Variants in ACTC1 observed in about 807,000 individuals in gnomAD.
ACTC1 encodes actin, alpha cardiac muscle 1.
Under a neutral mutation model 31.6 loss-of-function variants are expected in ACTC1, and 10 were observed. That is an observed-to-expected ratio of 0.32 (90% confidence interval 0.19 to 0.54). The LOEUF (loss-of-function observed/expected upper bound fraction) is 0.54, where lower values mean the gene tolerates loss of function less well. ACTC1 is among the 20% of genes least tolerant of loss of function. ACTC1 has a pLI of 0.95. For missense variants in ACTC1, 129 were observed against 506.4 expected (o/e 0.25, Z 7.15); for synonymous variants, 196 against 185.0 (o/e 1.06, Z -0.48).
At chr15:34,790,698 G>T in intron 6 of ACTC1, 143 bp from the exon 7 acceptor site, 1 of 855,910 alleles carries the variant, frequency 1.2e-6, no homozygotes, top group Non-Finnish European at 1.9e-6. Flanking sequence ...GAAATAATGT[G>T]GCCAATCAAG....
At chr15:34,791,083 C>A in intron 6 of ACTC1, 31 bp downstream of exon 6, 2 of 1,562,328 alleles carry the variant, frequency 1.3e-6, no homozygotes, top group South Asian at 1.2e-5. Context: ...CAAGACTTGC[C>A]TCGGATCTCC....
rs1231714280 is a variant in ACTC1 at position 34,792,724 on chromosome 15, T to A, written c.455-155A>T. ...ATTCCTTACACACAAAGAATAAAAATGCGCATCAGGAATACTAAATCTGAA... is the reference window on the plus strand; with the variant it reads ...ATTCCTTACACACAAAGAATAAAAAAGCGCATCAGGAATACTAAATCTGAA... On this transcript the variant is annotated intron_variant, in intron 3 of 6. Coordinates refer to ENST00000290378, the MANE Select transcript of ACTC1 (RefSeq NM_005159.5). The surrounding 1 kb of genome is among the most constrained non-coding windows in gnomAD (Gnocchi z 5.3). 1.3e-6 allele frequency: 1 copy of A among 790,550 alleles called. No homozygotes were observed. Among genetic ancestry groups the A allele is most frequent in the African/African-American group, 1.7e-5 (1 of 58,284 alleles). 49.0% of individuals were successfully genotyped at this position (790,550 alleles called of 1,614,324 possible).
chr15:34,792,842 T>A lies in ACTC1; in HGVS notation c.455-273A>T. The A allele has an allele frequency of 3.8e-6, 2 of 527,700 alleles. No individual in the cohort carries two copies. Among genetic ancestry groups the A allele is most frequent in the Non-Finnish European group, 6.8e-6 (2 of 293,574 alleles). The allele number at this position is 527,700 out of a possible 1,614,324, so 32.7% of individuals were successfully genotyped here. ...ATCTTTCTTGTCAGCCACGAGCACA[T>A]TATGTAAGCACCCAAGGGTGTTTTT... On this transcript the variant is annotated intron_variant, in intron 3 of 6. Coordinates refer to ENST00000290378, the MANE Select transcript of ACTC1 (RefSeq NM_005159.5). This position sits in a 1 kb window ranked among gnomAD's most constrained non-coding sequence, Gnocchi z 5.3.
At position 34,792,134 on chromosome 15, in the gene ACTC1, T is replaced by C; in HGVS notation, c.764A>G (p.Glu255Gly). 6.2e-7 allele frequency: 1 copy of C among 1,614,206 alleles called. No individual in the cohort carries two copies. Among genetic ancestry groups the C allele is most frequent in the Non-Finnish European group, 8.5e-7 (1 of 1,180,046 alleles). The change falls in exon 5 of 7, where the codon GAG (glutamate) becomes GGG (glycine). Residue 255 changes from glutamate to glycine, a missense_variant. Around this residue, in one of 5 missense-constraint regions of ACTC1, gnomAD observed 37 missense variants for 228.6 expected, o/e 0.16. Transcript: ENST00000290378. This position sits in a 1 kb window ranked among gnomAD's most constrained non-coding sequence, Gnocchi z 5.3. ...GAGTGTCTCAGGACAGCGGAAGCGC[T>C]CATTGCCAATAGTGATGACTTGGCC... Reference protein sequence around the residue: ...PDGQVITIGNERFRCPETLFQ... With the variant: ...PDGQVITIGNGRFRCPETLFQ...
Position 34,790,370 on chromosome 15 carries a change from A to G in ACTC1, c.*42T>C. 4 of 1,611,294 alleles carry G rather than the reference A, an allele frequency of 2.5e-6. No individual in the cohort carries two copies. The highest frequency in any genetic ancestry group is 3.4e-6 in the Non-Finnish European group (4 of 1,178,916). ...TTTGGAAGACTCCAAGAAGCATAATACCGTCATCCTGACTGGAAGGTAGAT... is the reference window on the plus strand; with the variant it reads ...TTTGGAAGACTCCAAGAAGCATAATGCCGTCATCCTGACTGGAAGGTAGAT... On this transcript the variant is annotated 3_prime_UTR_variant, in exon 7 of 7. Coordinates refer to ENST00000290378, the MANE Select transcript of ACTC1 (RefSeq NM_005159.5).
intron 1 of ACTC1, 74 bp from the exon 2 acceptor site, chr15:34,794,904 A>T: frequency 1.0e-5 from 12 of 1,184,752 alleles, no homozygotes; most frequent in Admixed American, 2.2e-5. Flanking sequence ...CCCAGAGGAC[A>T]GGACAGAGCA....
rs1891722277 is a variant in ACTC1, at chr15:34,792,354, TGA to T, written c.616+52_616+53del. ...ATTATAGGGAGGTAGGCGGATTCAGTGAGAGAGGAGGAAAGCAGACCCACACT... is the reference window on the plus strand; with the variant it reads ...ATTATAGGGAGGTAGGCGGATTCAGTGAGAGGAGGAAAGCAGACCCACACT... On this transcript the variant is annotated intron_variant, in intron 4 of 6. Transcript: ENST00000290378. This position sits in a 1 kb window ranked among gnomAD's most constrained non-coding sequence, Gnocchi z 5.3. The T allele has an allele frequency of 1.2e-6, 2 of 1,613,706 alleles. No homozygotes were observed. Among genetic ancestry groups the T allele is most frequent in the Non-Finnish European group, 8.5e-7 (1 of 1,179,794 alleles).
rs59431308 is a variant in ACTC1, at chr15:34,791,307, TCACACACACA to T, written c.809-22_809-13del. 1,654 of 1,308,854 alleles carry T rather than the reference TCACACACACA, an allele frequency of 1.3e-3. 2 individuals carry two copies. The highest frequency in any genetic ancestry group is 3.1e-3 in the Middle Eastern group (15 of 4,796). The allele number at this position is 1,308,854 out of a possible 1,614,324, so 81.1% of individuals were successfully genotyped here. On this transcript the variant is annotated splice_polypyrimidine_tract_variant and intron_variant, in intron 5 of 6. Coordinates refer to ENST00000290378, the MANE Select transcript of ACTC1 (RefSeq NM_005159.5). ...AGCAGATTCCATACCTGGGAACGAG[TCACACACACA>T]CACACACACACACACACACACACAC...
At chr15:34,791,927 C>T in intron 5 of ACTC1, 163 bp downstream of exon 5, 1 of 684,504 alleles carries the variant, frequency 1.5e-6, no homozygotes. Context: ...AGAACATAGA[C>T]TTCCCCTTTA....
chr15:34,794,052 G>A (rs1891762043), intron 2 of ACTC1, among the ~76,000 whole-genome samples: 1 of 152,220 alleles, frequency 6.6e-6, no homozygotes, highest in Admixed American at 6.5e-5. Flanking sequence ...AGCTGTTCTG[G>A]AGTCATTCAC....
intron 2 of ACTC1, among the ~76,000 whole-genome samples, chr15:34,794,112 T>C (rs1418369540): frequency 2.0e-5 from 3 of 152,180 alleles, no homozygotes; most frequent in Admixed American, 6.5e-5. Flanking sequence ...TGGCCAGGCA[T>C]GTGACAAACC....
chr15:34,792,652 C>G lies in ACTC1; in HGVS notation c.455-83G>C. 6.7e-7 allele frequency: 1 copy of G among 1,496,902 alleles called. No individual in the cohort carries two copies. The highest frequency in any genetic ancestry group is 9.3e-7 in the Non-Finnish European group (1 of 1,076,744). The allele number at this position is 1,496,902 out of a possible 1,614,324, so 92.7% of individuals were successfully genotyped here. On this transcript the variant is annotated intron_variant, in intron 3 of 6. Transcript: ENST00000290378. The surrounding 1 kb of genome is among the most constrained non-coding windows in gnomAD (Gnocchi z 5.3). ...AGCCACGGCAAAGCCCGCTTCCAAT[C>G]TTGGCTAAGAGATGCTAGCAATGGG...
intron 6 of ACTC1, 128 bp from the exon 7 acceptor site, chr15:34,790,683 A>T: frequency 1.9e-6 from 2 of 1,026,948 alleles, no homozygotes; most frequent in Non-Finnish European, 2.9e-6. Flanking sequence ...GATATGTCAT[A>T]CCACGAAATA....
At position 34,793,696 on chromosome 15, in the gene ACTC1, C is replaced by G. The variant is rs7165006; in HGVS notation, c.130-127G>C. ...TAAATACCAGAAATAACAAGCAATA[C>G]GATTTTACCCCAATTTAGAAGAATT... On this transcript the variant is annotated intron_variant, in intron 2 of 6. Transcript: ENST00000290378. This position sits in a 1 kb window ranked among gnomAD's most constrained non-coding sequence, Gnocchi z 4.8. The G allele has an allele frequency of 0.099, 84,768 of 856,954 alleles. 4,984 individuals carry two copies. Among genetic ancestry groups the G allele is most frequent in the African/African-American group, 0.19 (11,088 of 59,332 alleles). The allele number at this position is 856,954 out of a possible 1,614,324, so 53.1% of individuals were successfully genotyped here. A position where few individuals can be genotyped will look rare whatever the true frequency, so the allele number is the denominator to read the frequency against.
intron 1 of ACTC1, among the ~76,000 whole-genome samples, chr15:34,795,224 C>A (rs1048036773): frequency 2.6e-5 from 4 of 152,056 alleles, no homozygotes; most frequent in Non-Finnish European, 4.4e-5. Flanking sequence ...GGAAAGCGCA[C>A]GAGAGTAGGG....
Position 34,791,261 on chromosome 15 carries a change from GT to G in ACTC1, c.842del (p.Tyr281SerfsTer5). On this transcript the variant is annotated frameshift_variant, in exon 6 of 7. Coordinates refer to ENST00000290378, the MANE Select transcript of ACTC1 (RefSeq NM_005159.5). LOFTEE classifies it high-confidence loss of function. ...MESAGIHETT[Y>X]NSIMKCDIDI... Reference sequence around the variant, plus strand: ...CAATGTCACACTTCATGATGCTATTGTAAGTTGTTTCATGGATGCCAGCAGA... The same window carrying G: ...CAATGTCACACTTCATGATGCTATTGAAGTTGTTTCATGGATGCCAGCAGA... 6.2e-7 allele frequency: 1 copy of G among 1,604,324 alleles called. No homozygotes were observed. Among genetic ancestry groups the G allele is most frequent in the Non-Finnish European group, 8.5e-7 (1 of 1,174,062 alleles).
At position 34,792,699 on chromosome 15, in the gene ACTC1, A is replaced by G. The variant is rs1891729880; in HGVS notation, c.455-130T>C. ...TGGGCATTGATCCAGATAAAATTAG[A>G]TTCCTTACACACAAAGAATAAAAAT... On this transcript the variant is annotated intron_variant, in intron 3 of 6. Transcript: ENST00000290378. The surrounding 1 kb of genome is among the most constrained non-coding windows in gnomAD (Gnocchi z 5.3). 1.1e-6 allele frequency: 1 copy of G among 950,650 alleles called. No homozygotes were observed. The highest frequency in any genetic ancestry group is 2.0e-5 in the Admixed American group (1 of 50,266). The allele number at this position is 950,650 out of a possible 1,614,324, so 58.9% of individuals were successfully genotyped here.
intron 5 of ACTC1, chr15:34,791,601 T>A (rs1025415009): frequency 4.2e-5 from 17 of 409,638 alleles, no homozygotes; most frequent in African/African-American, 2.8e-4. Flanking sequence ...AAGATACACG[T>A]TTAAACTAAA....
chr15:34,791,596 A>T, intron 5 of ACTC1: 1 of 431,280 alleles, frequency 2.3e-6, no homozygotes, highest in Non-Finnish European at 4.2e-6. Flanking sequence ...AGGAAAAGAT[A>T]CACGTTTAAA....
Sources: gnomAD v4.1 joint callset for allele counts (sites outside exome capture counted in the v4.1 genomes callset) on GRCh38, gnomAD v4.1.1 for gene constraint, gnomAD v4.1.1 regional missense constraint, Gnocchi (gnomAD v3.1) non-coding constraint, MANE v1.5 for transcripts, NCBI Gene and HGNC (gene_info 2026-07-23, HGNC 2026-07-21) for gene names.